TUSC3: variants seen among roughly 807,000 people sequenced by gnomAD.
The protein encoded by TUSC3 is dolichyl-diphosphooligosaccharide--protein glycosyltransferase subunit TUSC3.
TUSC3 carries 45 observed loss-of-function variants against 44.8 expected under a neutral mutation model. That is an observed-to-expected ratio of 1.00 (90% CI 0.79 to 1.29). TUSC3 has a LOEUF of 1.29. Among genes scored for constraint, TUSC3 ranks in the 50% most tolerant of loss-of-function variants. The pLI is 0.00. For synonymous variants in TUSC3, 212 were observed against 152.9 expected, an observed-to-expected ratio of 1.39 and a Z score of -2.85; for missense variants, 519 against 437.9, an observed-to-expected ratio of 1.19 and a Z score of -1.65.
intron 1 of TUSC3, among the ~76,000 whole-genome samples, chr8:15,477,740 T>C (rs898059263): frequency 6.6e-6 from 1 of 152,002 alleles, no homozygotes; most frequent in Non-Finnish European, 1.5e-5. Flanking sequence ...ATAATAATAA[T>C]TATAGTGAGA....
chr8:15,443,336 T>TTGTGTGTGAG (rs1554502147), intron 1 of TUSC3, among the ~76,000 whole-genome samples: 84 of 132,996 alleles, frequency 6.3e-4, no homozygotes, highest in Non-Finnish European at 1.1e-3. Context: ...ACCCACCTAA[T>TTGTGTGTGAG]TGTGTGTGTG....
intron 6 of TUSC3, among the ~76,000 whole-genome samples, chr8:15,694,111 C>T (rs1252284279): frequency 6.6e-6 from 1 of 151,944 alleles, no homozygotes; most frequent in Non-Finnish European, 1.5e-5. Context: ...CGTTTTTATC[C>T]ATATTCCATA....
chr8:15,851,323 A>G, the TUSC3 span, among the ~76,000 whole-genome samples: 1 of 152,242 alleles, frequency 6.6e-6, no homozygotes, highest in South Asian at 2.1e-4. Flanking sequence ...CCCTGGTCTT[A>G]AGGATCTTAC....
intron 1 of TUSC3, among the ~76,000 whole-genome samples, chr8:15,461,845 TTAAAA>T (rs1161919459): frequency 2.6e-5 from 4 of 151,900 alleles, no homozygotes; most frequent in African/African-American, 9.7e-5. Flanking sequence ...AATTAAAACA[TTAAAA>T]TAATATACAA....
intron 1 of TUSC3, among the ~76,000 whole-genome samples, chr8:15,550,112 G>A (rs1188877065): frequency 6.6e-6 from 1 of 151,792 alleles, no homozygotes; most frequent in Non-Finnish European, 1.5e-5. Context: ...TTTTCACAAT[G>A]CTTTTCCATA....
At chr8:15,701,422 G>A (rs1405794105) in intron 6 of TUSC3, among the ~76,000 whole-genome samples, 2 of 152,076 alleles carry the variant, frequency 1.3e-5, no homozygotes, top group Admixed American at 1.3e-4. Context: ...CTGTGTATGT[G>A]TGTATTTTTT....
chr8:15,725,431 C>G (rs2129205935), intron 6 of TUSC3, among the ~76,000 whole-genome samples: 1 of 152,264 alleles, frequency 6.6e-6, no homozygotes, highest in Non-Finnish European at 1.5e-5. Flanking sequence ...ATATAAGGGA[C>G]TTGCATAAAT....
intron 6 of TUSC3, among the ~76,000 whole-genome samples, chr8:15,690,345 T>C (rs12114991): frequency 0.01 from 1,521 of 145,556 alleles, 24 homozygotes; most frequent in African/African-American, 0.036. Context: ...TTGCCCACTT[T>C]TAAAGGGAGT....
the TUSC3 span, among the ~76,000 whole-genome samples, chr8:15,794,501 C>T: frequency 1.3e-5 from 2 of 152,086 alleles, no homozygotes; most frequent in African/African-American, 2.4e-5. Flanking sequence ...ACTTGCAATC[C>T]GGCAACTTAG....
At chr8:15,533,563 A>G (rs1335675345) in intron 2 of TUSC3, among the ~76,000 whole-genome samples, 1 of 152,200 alleles carries the variant, frequency 6.6e-6, no homozygotes, top group Non-Finnish European at 1.5e-5. Flanking sequence ...TGAGGGAGGT[A>G]TGTAGCTTTT....
At chr8:15,724,101 A>G (rs574845476) in intron 6 of TUSC3, among the ~76,000 whole-genome samples, 2 of 152,142 alleles carry the variant, frequency 1.3e-5, no homozygotes, top group South Asian at 4.1e-4. Flanking sequence ...AGAGGAAAGT[A>G]TAGAGACGCC....
At chr8:15,676,852 C>T (rs958495152) in intron 6 of TUSC3, among the ~76,000 whole-genome samples, 4 of 152,096 alleles carry the variant, frequency 2.6e-5, no homozygotes, top group Admixed American at 6.6e-5. Flanking sequence ...ATCCATCTAG[C>T]ATATAACCCC....
chr8:15,583,661 A>G, intron 1 of TUSC3, among the ~76,000 whole-genome samples: 1 of 152,214 alleles, frequency 6.6e-6, no homozygotes, highest in Non-Finnish European at 1.5e-5. Flanking sequence ...CAGGATAGCA[A>G]GCTAATTTGT....
Position 15,475,118 on chromosome 8 carries a change from T to C in TUSC3, n.92-8268T>C, listed in dbSNP as rs1394553804. On this transcript the variant is annotated intron_variant and non_coding_transcript_variant, in intron 1 of 5. Transcript: ENST00000503191. ...TACATGATAATAACAGCTAATATTA[T>C]TGAGCAGTTATTATGCTCTGAGGCA... 7.2e-5 allele frequency among the ~76,000 whole-genome samples: 11 copies of C among 152,302 alleles called. No individual in the cohort carries two copies. The East Asian group carries it at 1.5e-3, about 21-fold the overall frequency.
chr8:15,790,747 G>C, the TUSC3 span, among the ~76,000 whole-genome samples: 2 of 152,094 alleles, frequency 1.3e-5, no homozygotes, highest in African/African-American at 4.8e-5. Context: ...GATAGAACTG[G>C]TAAAAACTCA....
chr8:15,784,003 A>T, the TUSC3 span, among the ~76,000 whole-genome samples: 3 of 152,224 alleles, frequency 2.0e-5, no homozygotes, highest in African/African-American at 7.2e-5. Context: ...ACTCAATAAT[A>T]AGAAAATAAA....
At chr8:15,509,556 C>CACTCAATCTG (rs1801104813) in intron 2 of TUSC3, among the ~76,000 whole-genome samples, 1 of 151,644 alleles carries the variant, frequency 6.6e-6, no homozygotes, top group Non-Finnish European at 1.5e-5. Context: ...TGCAGTGAGC[C>CACTCAATCTG]GAGATTGTGC....
chr8:15,702,567 T>TG (rs1232330867), intron 6 of TUSC3, among the ~76,000 whole-genome samples: 1 of 152,036 alleles, frequency 6.6e-6, no homozygotes, highest in African/African-American at 2.4e-5. Flanking sequence ...TTCCAGCTCT[T>TG]TCAGCAGTCA....
intron 2 of TUSC3, among the ~76,000 whole-genome samples, chr8:15,500,961 C>A (rs17577132): frequency 6.6e-6 from 1 of 151,990 alleles, no homozygotes; most frequent in African/African-American, 2.4e-5. Context: ...ACTTTAAATT[C>A]TTATAAGGTA....
Sources: allele counts gnomAD v4.1 joint callset (sites outside exome capture counted in the v4.1 genomes callset), GRCh38; gene constraint gnomAD v4.1.1; transcripts MANE v1.5; gene names NCBI Gene and HGNC (gene_info 2026-07-23, HGNC 2026-07-21).